The following ARHGAP24 variants were observed in gnomAD, a reference collection of about 807,000 sequenced individuals.
ARHGAP24 encodes the protein rho GTPase-activating protein 24.
Under a neutral mutation model 76.4 loss-of-function variants are expected in ARHGAP24, and 50 were observed. The observed-to-expected ratio is 0.65, with a 90% CI of 0.52 to 0.83. The LOEUF is 0.83. ARHGAP24 is among the 40% of genes least tolerant of loss of function. The pLI, the probability that ARHGAP24 is intolerant of heterozygous loss-of-function variation, is 0.00. For synonymous variants in ARHGAP24, 345 were observed against 323.3 expected, an observed-to-expected ratio of 1.07 and a Z score of -0.72; for missense variants, 930 against 914.2, an observed-to-expected ratio of 1.02 and a Z score of -0.22.
At chr4:85,882,802 G>C (rs1174672971) in intron 3 of ARHGAP24, among the ~76,000 whole-genome samples, 1 of 152,182 alleles carries the variant, frequency 6.6e-6, no homozygotes, top group Non-Finnish European at 1.5e-5. Flanking sequence ...CCAGTGATTT[G>C]ACTGAGATTT....
intron 8 of ARHGAP24, among the ~76,000 whole-genome samples, chr4:85,982,462 C>T (rs1016408780): frequency 6.6e-6 from 1 of 151,812 alleles, no homozygotes; most frequent in African/African-American, 2.4e-5. Context: ...TTGGGGGTCA[C>T]GGGAAGGTCT....
At chr4:85,847,759 A>C (rs1235186706) in intron 3 of ARHGAP24, among the ~76,000 whole-genome samples, 1 of 152,160 alleles carries the variant, frequency 6.6e-6, no homozygotes, top group Non-Finnish European at 1.5e-5. Flanking sequence ...CTGGCCAAAT[A>C]AATGATTATC....
At chr4:85,693,301 G>A (rs1320364132) in intron 2 of ARHGAP24, among the ~76,000 whole-genome samples, 2 of 152,254 alleles carry the variant, frequency 1.3e-5, no homozygotes, top group East Asian at 1.9e-4. Context: ...TCTTTTGTTA[G>A]GTGTTCTGGG....
Position 85,838,723 on chromosome 4 carries a change from AT to A in ARHGAP24, c.269-84921del, listed in dbSNP as rs1245447279. ...AACTGTATCCTTCCTTAAGTGACAC[AT>A]TTTAGGGACGTTTTCTTTAAGACAT... On this transcript the variant is annotated intron_variant, in intron 3 of 9. Coordinates refer to ENST00000395184, the MANE Select transcript of ARHGAP24 (RefSeq NM_001025616.3). Among the ~76,000 whole-genome samples, 5 of 152,296 alleles carry A rather than the reference AT, an allele frequency of 3.3e-5. No homozygotes were observed. The East Asian group carries it at 9.6e-4, about 29-fold the overall frequency.
intron 3 of ARHGAP24, among the ~76,000 whole-genome samples, chr4:85,793,673 A>G (rs1330208457): frequency 6.6e-6 from 1 of 152,220 alleles, no homozygotes; most frequent in Non-Finnish European, 1.5e-5. Flanking sequence ...GAATGAGATT[A>G]GAGTATTTCC....
intron 4 of ARHGAP24, chr4:85,930,949 T>C: frequency 6.2e-7 from 1 of 1,613,998 alleles, no homozygotes; most frequent in Non-Finnish European, 8.5e-7. Flanking sequence ...AGACCGGAAT[T>C]CTGGGGGGTG....
intron 2 of ARHGAP24, among the ~76,000 whole-genome samples, chr4:85,593,832 A>G (rs1282754604): frequency 6.6e-6 from 1 of 152,178 alleles, no homozygotes; most frequent in African/African-American, 2.4e-5. Context: ...TTATGCCAGT[A>G]CTATGCTCTC....
At chr4:85,541,835 G>GT (rs1725716943) in intron 1 of ARHGAP24, among the ~76,000 whole-genome samples, 1 of 151,998 alleles carries the variant, frequency 6.6e-6, no homozygotes, top group East Asian at 1.9e-4. Context: ...GTGGGTTGAC[G>GT]TTTGAGTTGG....
At chr4:85,500,092 T>A (rs1723743715) in intron 1 of ARHGAP24, among the ~76,000 whole-genome samples, 2 of 152,288 alleles carry the variant, frequency 1.3e-5, no homozygotes, top group East Asian at 3.9e-4. Flanking sequence ...GAATATAAAA[T>A]TTTCACTAAT....
intron 2 of ARHGAP24, among the ~76,000 whole-genome samples, chr4:85,637,064 A>C (rs1187126898): frequency 1.3e-5 from 2 of 152,102 alleles, no homozygotes; most frequent in Non-Finnish European, 2.9e-5. Flanking sequence ...TCTAGAGCCA[A>C]GTGCAACTGA....
intron 3 of ARHGAP24, among the ~76,000 whole-genome samples, chr4:85,829,319 A>G (rs1578269432): frequency 2.6e-5 from 4 of 152,342 alleles, no homozygotes; most frequent in Admixed American, 2.6e-4. Flanking sequence ...AAAACAATTA[A>G]CAAAGAACAT....
intron 2 of ARHGAP24, among the ~76,000 whole-genome samples, chr4:85,678,759 A>T (rs988141616): frequency 2.0e-5 from 3 of 152,168 alleles, no homozygotes; most frequent in Non-Finnish European, 4.4e-5. Context: ...TAAAAACATG[A>T]TTCAAACAAG....
At chr4:85,501,737 T>C (rs555372879) in intron 1 of ARHGAP24, among the ~76,000 whole-genome samples, 1 of 152,324 alleles carries the variant, frequency 6.6e-6, no homozygotes, top group South Asian at 2.1e-4. Flanking sequence ...TAGATCCCAT[T>C]TGTCTATTTT....
At chr4:85,840,038 TGTATTTTTA>T (rs1430248108) in intron 3 of ARHGAP24, among the ~76,000 whole-genome samples, 6 of 136,110 alleles carry the variant, frequency 4.4e-5, no homozygotes, top group Non-Finnish European at 7.9e-5. Flanking sequence ...TTTTTTTTTT[TGTATTTTTA>T]GTAGAGACTG....
chr4:85,775,335 A>G (rs1056922919), intron 3 of ARHGAP24, among the ~76,000 whole-genome samples: 1 of 152,094 alleles, frequency 6.6e-6, no homozygotes, highest in African/African-American at 2.4e-5. Context: ...GTATTAGTCC[A>G]TTTTCATGCT....
At chr4:85,762,603 A>C (rs909263631) in intron 3 of ARHGAP24, among the ~76,000 whole-genome samples, 1 of 152,196 alleles carries the variant, frequency 6.6e-6, no homozygotes, top group Non-Finnish European at 1.5e-5. Flanking sequence ...TATCTTGAAA[A>C]ATAGGAAATT....
chr4:85,872,748 C>T (rs1311089349), intron 3 of ARHGAP24, among the ~76,000 whole-genome samples: 2 of 151,384 alleles, frequency 1.3e-5, no homozygotes, highest in African/African-American at 4.9e-5. Context: ...CAAGCATACA[C>T]CACCATGCCC....
At position 85,872,047 on chromosome 4, in the gene ARHGAP24, AC is replaced by A. The variant is rs1236415752; in HGVS notation, c.269-51598del. 3.3e-5 allele frequency among the ~76,000 whole-genome samples: 5 copies of A among 151,640 alleles called. No homozygotes were observed. In the East Asian group the frequency reaches 9.7e-4, roughly 29 times the overall value. On this transcript the variant is annotated intron_variant, in intron 3 of 9. Transcript: ENST00000395184. ...TATATTAAGTCTCACTTATCAATGTACCCACAGTAAGAACTATAAAAATATT... is the reference window on the plus strand; with the variant it reads ...TATATTAAGTCTCACTTATCAATGTACCACAGTAAGAACTATAAAAATATT...
At chr4:85,496,349 A>G (rs1723583720) in intron 1 of ARHGAP24, among the ~76,000 whole-genome samples, 1 of 152,252 alleles carries the variant, frequency 6.6e-6, no homozygotes, top group Admixed American at 6.5e-5. Context: ...TGTGAGTTTT[A>G]CCATAGGACA....
Sources: gnomAD v4.1 joint callset for allele counts (sites outside exome capture counted in the v4.1 genomes callset) on GRCh38, gnomAD v4.1.1 for gene constraint, MANE v1.5 for transcripts, NCBI Gene and HGNC (gene_info 2026-07-23, HGNC 2026-07-21) for gene names.